Variants in ZBED4 observed in about 807,000 individuals in gnomAD.
ZBED4 encodes zinc finger BED domain-containing protein 4.
ZBED4 carries 4 observed loss-of-function variants against 15.5 expected under a neutral mutation model. The ratio of observed to expected loss-of-function variants is 0.26; its 90% CI spans 0.13 to 0.59. ZBED4 has a LOEUF of 0.59. Ranked by LOEUF, ZBED4 falls within the 20% of genes least tolerant of loss-of-function variation. The pLI is 0.90. For missense variants in ZBED4, 1,323 were observed against 1,461.8 expected, an observed-to-expected ratio of 0.91 and a Z score of 1.55; for synonymous variants, 692 against 608.5, an observed-to-expected ratio of 1.14 and a Z score of -2.02.
At chr22:49,865,583 G>A (rs1039596353) in intron 1 of ZBED4, among the ~76,000 whole-genome samples, 3 of 152,278 alleles carry the variant, frequency 2.0e-5, no homozygotes, top group Admixed American at 1.3e-4. Context: ...GCTGAGGCAG[G>A]AGAATGGCTT....
chr22:49,856,649 T>C (rs4058453), intron 1 of ZBED4, among the ~76,000 whole-genome samples: 5,148 of 22,502 alleles, frequency 0.23, 396 homozygotes, highest in East Asian at 0.45. Flanking sequence ...CGGCTTCCCA[T>C]CCCTCGTTCT....
At position 49,888,099 on chromosome 22, in the gene ZBED4, T is replaced by C. The variant is rs2060449746; in HGVS notation, c.*921T>C. 6.0e-6 allele frequency: 1 copy of C among 167,282 alleles called. No individual in the cohort carries two copies. Among genetic ancestry groups the C allele is most frequent in the South Asian group, 2.1e-4 (1 of 4,836 alleles). The allele number at this position is 167,282 out of a possible 1,614,324, so 10.4% of individuals were successfully genotyped here. On this transcript the variant is annotated 3_prime_UTR_variant, in exon 2 of 2. Transcript: ENST00000216268. ...TTATTAACAGGGAAGAAGCTTGTTA[T>C]ATTCCAGTTGTAAGAATAGCCTTAG...
At chr22:49,868,144 G>C (rs1177069816) in intron 1 of ZBED4, among the ~76,000 whole-genome samples, 3 of 152,158 alleles carry the variant, frequency 2.0e-5, no homozygotes, top group Non-Finnish European at 4.4e-5. Flanking sequence ...ACATTTGTTG[G>C]TTAACGGAAA....
chr22:49,886,235 A>T lies in ZBED4; in HGVS notation c.2573A>T (p.Glu858Val). ...NLLSLARKICERVHRSPKAKE... is the reference protein window; with the variant it reads ...NLLSLARKICVRVHRSPKAKE... ...CTGAGCCTCGCCCGGAAGATCTGCG[A>T]GCGGGTGCACCGGTCGCCCAAGGCG... is the stretch of plus-strand genomic sequence containing the variant. The change falls in exon 2 of 2, where the codon GAG becomes GTG. Residue 858 changes from glutamate to valine, a missense_variant. Glu to Val is a moderately radical substitution (Grantham distance 121). This residue lies in a region of ZBED4 where 100 missense variants were observed against 79.3 expected (regional missense o/e 1.26). Coordinates refer to ENST00000216268, the MANE Select transcript of ZBED4 (RefSeq NM_014838.3). The surrounding 1 kb of genome is among the most constrained non-coding windows in gnomAD (Gnocchi z 7.7). The T allele has an allele frequency of 1.1e-6, 1 of 943,488 alleles. No homozygotes were observed. The highest frequency in any genetic ancestry group is 1.7e-6 in the Non-Finnish European group (1 of 600,518). 58.4% of individuals were successfully genotyped at this position (943,488 alleles called of 1,614,324 possible). A position where few individuals can be genotyped will look rare whatever the true frequency, so the allele number is the denominator to read the frequency against.
At chr22:49,857,270 C>T (rs1030195179) in intron 1 of ZBED4, among the ~76,000 whole-genome samples, 1 of 152,230 alleles carries the variant, frequency 6.6e-6, no homozygotes, top group Non-Finnish European at 1.5e-5. Context: ...GCCATAGCTG[C>T]GATGTCAGGC....
intron 1 of ZBED4, among the ~76,000 whole-genome samples, chr22:49,858,278 T>C (rs1216981197): frequency 4.6e-5 from 7 of 152,276 alleles, no homozygotes; most frequent in Admixed American, 6.5e-5. Flanking sequence ...CCTGCTGGAA[T>C]TTGTGGCAGT....
At position 49,887,282 on chromosome 22, in the gene ZBED4, C is replaced by G. The variant is rs890626986; in HGVS notation, c.*104C>G. 2 of 1,272,996 alleles carry G rather than the reference C, an allele frequency of 1.6e-6. No homozygotes were observed. The highest frequency in any genetic ancestry group is 1.5e-5 in the South Asian group (1 of 67,728). 78.9% of individuals were successfully genotyped at this position (1,272,996 alleles called of 1,614,324 possible). ...GCCCACGGCTGTGTACGACATCAGA[C>G]CAGGCACTCTCAGGGCCGCTCTCCA... is the stretch of plus-strand genomic sequence containing the variant. On this transcript the variant is annotated 3_prime_UTR_variant, in exon 2 of 2. Coordinates refer to ENST00000216268, the MANE Select transcript of ZBED4 (RefSeq NM_014838.3).
At chr22:49,881,811 C>T (rs2060411082) in intron 1 of ZBED4, among the ~76,000 whole-genome samples, 1 of 152,192 alleles carries the variant, frequency 6.6e-6, no homozygotes, top group South Asian at 2.1e-4. Context: ...GGGTTACAGG[C>T]ATGAGCCACT....
In ZBED4 at chr22:49,884,653, A is replaced by G. The variant is rs765834662; in HGVS notation, c.991A>G (p.Met331Val). The G allele has an allele frequency of 2.5e-6, 4 of 1,612,254 alleles. No homozygotes were observed. The highest frequency in any genetic ancestry group is 2.5e-6 in the Non-Finnish European group (3 of 1,179,156). Residue 331 changes from methionine (M) to valine (V), a missense_variant, in exon 2 of 2, where the codon ATG becomes GTG. Physicochemically the swap from Met to Val is conservative, Grantham distance 21. Transcript: ENST00000216268. ...GGGCACGAGCTGCCTCATCAGGCAC[A>G]TGTGGAGGGCACACCGCGCCATCGT... is the stretch of plus-strand genomic sequence containing the variant. ...DLGTSCLIRH[M>V]WRAHRAIVLQ...
At chr22:49,858,362 G>T (rs1365131201) in intron 1 of ZBED4, among the ~76,000 whole-genome samples, 1 of 152,212 alleles carries the variant, frequency 6.6e-6, no homozygotes, top group Non-Finnish European at 1.5e-5. Flanking sequence ...ATGTCCTCAG[G>T]AGGAGAAACT....
At chr22:49,857,010 C>A (rs907502277) in intron 1 of ZBED4, among the ~76,000 whole-genome samples, 1 of 152,198 alleles carries the variant, frequency 6.6e-6, no homozygotes, top group Non-Finnish European at 1.5e-5. Flanking sequence ...CTGCTGCAGC[C>A]CCCTACCTGA....
chr22:49,859,920 A>G (rs968263647), intron 1 of ZBED4, among the ~76,000 whole-genome samples: 2 of 150,008 alleles, frequency 1.3e-5, no homozygotes, highest in Non-Finnish European at 3.0e-5. Context: ...CCAGCTACTC[A>G]GGAGGCTGAG....
intron 1 of ZBED4, among the ~76,000 whole-genome samples, chr22:49,860,388 TTAA>T (rs1402142704): frequency 1.3e-5 from 2 of 152,242 alleles, no homozygotes; most frequent in Admixed American, 6.5e-5. Flanking sequence ...CTGAAAAATC[TTAA>T]TAATATCATT....
intron 1 of ZBED4, among the ~76,000 whole-genome samples, chr22:49,861,105 C>G (rs906054543): frequency 6.6e-6 from 1 of 152,158 alleles, no homozygotes; most frequent in African/African-American, 2.4e-5. Flanking sequence ...CTGCTACGTC[C>G]TGTAAAAGTA....
rs1046086810 is a variant in ZBED4 at position 49,883,342 on chromosome 22, CA to C, written c.-319del. ...GATTTCATCTCTTATAGGTAATGCA[CA>C]AGGGTCACGTGTATGCTCTCAAGAT... On this transcript the variant is annotated 5_prime_UTR_variant, in exon 2 of 2. An upstream open reading frame in the 5' UTR loses its in-frame stop. Transcript: ENST00000216268. 4 of 211,114 alleles carry C rather than the reference CA, an allele frequency of 1.9e-5. No homozygotes were observed. The highest frequency in any genetic ancestry group is 9.1e-5 in the African/African-American group (4 of 43,808). The allele number at this position is 211,114 out of a possible 1,614,324, so 13.1% of individuals were successfully genotyped here. A position where few individuals can be genotyped will look rare whatever the true frequency, so the allele number is the denominator to read the frequency against.
At chr22:49,857,047 G>A (rs376182632) in intron 1 of ZBED4, among the ~76,000 whole-genome samples, 30 of 152,138 alleles carry the variant, frequency 2.0e-4, no homozygotes, top group African/African-American at 7.0e-4. Flanking sequence ...CTGGCCCCCC[G>A]CCCTTCCTGC....
intron 1 of ZBED4, among the ~76,000 whole-genome samples, chr22:49,873,612 T>C (rs1259443725): frequency 1.3e-5 from 2 of 150,404 alleles, no homozygotes; most frequent in Admixed American, 6.6e-5. Context: ...ACGTGCTTGA[T>C]GCAGGATTGC....
At chr22:49,868,742 A>G (rs1030740965) in intron 1 of ZBED4, among the ~76,000 whole-genome samples, 1 of 152,138 alleles carries the variant, frequency 6.6e-6, no homozygotes, top group African/African-American at 2.4e-5. Context: ...TACTTCGTGC[A>G]TGTGTTGTAG....
In ZBED4 at chr22:49,874,336, A is replaced by G. The variant is rs150598374; in HGVS notation, c.-329-8998A>G. On this transcript the variant is annotated intron_variant, in intron 1 of 1. Coordinates refer to ENST00000216268, the MANE Select transcript of ZBED4 (RefSeq NM_014838.3). ...GAAGTGTTGGCAAATGTTTTTCTAC[A>G]TCGAATGACGTGCCCATATGGTTTT... Among the ~76,000 whole-genome samples the G allele has an allele frequency of 3.5e-3, 533 of 151,898 alleles. 3 individuals are homozygous for G. Among genetic ancestry groups the G allele is most frequent in the Middle Eastern group, 0.014 (4 of 284 alleles).
Sources: gnomAD v4.1 joint callset for allele counts (sites outside exome capture counted in the v4.1 genomes callset) on GRCh38, gnomAD v4.1.1 for gene constraint, gnomAD v4.1.1 regional missense constraint, Gnocchi (gnomAD v3.1) non-coding constraint, MANE v1.5 for transcripts, NCBI Gene and HGNC (gene_info 2026-07-23, HGNC 2026-07-21) for gene names.